Variants in SMCO2 observed in about 807,000 individuals in gnomAD.
SMCO2 encodes the protein single-pass membrane and coiled-coil domain-containing protein 2.
SMCO2 carries 25 observed loss-of-function variants against 29.5 expected under a neutral mutation model. The observed-to-expected ratio is 0.85, with a 90% CI of 0.62 to 1.18. The LOEUF is 1.18. Ranked by LOEUF, SMCO2 falls within the 50% of genes most tolerant of loss-of-function variation. The pLI is 0.00. For missense variants in SMCO2, 348 were observed against 344.5 expected (o/e 1.01, Z -0.08); for synonymous variants, 117 against 123.3 (o/e 0.95, Z 0.34).
At chr12:27,436,964 G>A in the SMCO2 span, among the ~76,000 whole-genome samples, 22 of 152,184 alleles carry the variant, frequency 1.4e-4, no homozygotes, top group East Asian at 3.9e-4. Context: ...ATATCACTTC[G>A]CCATGTTCAC....
At chr12:27,475,773 G>T in intron 4 of SMCO2, 42 bp downstream of exon 5, 1 of 1,400,614 alleles carries the variant, frequency 7.1e-7, no homozygotes, top group South Asian at 1.8e-5. Context: ...ATAGCAGAAA[G>T]TTTCATAGCT....
At chr12:27,490,350 G>A (rs1337006983) in intron 5 of SMCO2, among the ~76,000 whole-genome samples, 1 of 152,170 alleles carries the variant, frequency 6.6e-6, no homozygotes, top group Non-Finnish European at 1.5e-5. Context: ...AGTTTCCCAG[G>A]TTTAGTGGAG....
At chr12:27,438,649 A>G in the SMCO2 span, among the ~76,000 whole-genome samples, 1 of 152,188 alleles carries the variant, frequency 6.6e-6, no homozygotes. Flanking sequence ...ACAAACATTC[A>G]TCTATCTGTA....
At chr12:27,482,943 C>A (rs984431587) in intron 4 of SMCO2, among the ~76,000 whole-genome samples, 4 of 152,116 alleles carry the variant, frequency 2.6e-5, no homozygotes, top group African/African-American at 9.7e-5. Context: ...CCCAGGCTAG[C>A]CTTGGACTTC....
At chr12:27,492,832 G>A (rs932464455) in intron 5 of SMCO2, among the ~76,000 whole-genome samples, 2 of 152,096 alleles carry the variant, frequency 1.3e-5, no homozygotes, top group African/African-American at 4.8e-5. Flanking sequence ...CCATTATTGT[G>A]TATATACCCA....
the SMCO2 span, among the ~76,000 whole-genome samples, chr12:27,440,020 C>A: frequency 2.0e-5 from 3 of 152,026 alleles, no homozygotes; most frequent in African/African-American, 7.2e-5. Context: ...ACAGATTCAA[C>A]CCAAATAAAA....
At chr12:27,435,679 G>A in the SMCO2 span, among the ~76,000 whole-genome samples, 13 of 151,516 alleles carry the variant, frequency 8.6e-5, no homozygotes, top group Non-Finnish European at 1.9e-4. Context: ...TCAACCTCCT[G>A]GCCCCATTAT....
upstream of SMCO2, among the ~76,000 whole-genome samples, chr12:27,466,634 A>G (rs1197426527): frequency 6.6e-6 from 1 of 152,108 alleles, no homozygotes; most frequent in Non-Finnish European, 1.5e-5. Flanking sequence ...GCTGGGGTGG[A>G]AGAAGGACTT....
chr12:27,500,614 G>C (rs1452047893), intron 7 of SMCO2, among the ~76,000 whole-genome samples: 1 of 150,686 alleles, frequency 6.6e-6, no homozygotes. Context: ...GAGGAACAGT[G>C]TTTATTTACT....
intron 3 of SMCO2, chr12:27,473,183 GCAAATCACCATATGAC>G (rs1267640077): frequency 1.8e-4 from 54 of 306,720 alleles, no homozygotes; most frequent in Admixed American, 6.1e-4. Flanking sequence ...TCACCTTCGA[GCAAATCACCATATGAC>G]CAAATCACCA....
chr12:27,488,560 C>T lies in SMCO2; in HGVS notation c.450+13C>T. On this transcript the variant is annotated intron_variant, in intron 5 of 7. Coordinates refer to ENST00000298876, the Ensembl canonical transcript of SMCO2. ...GACAAGCACTGAGGTAAGCTAGAGA[C>T]TTGGGAAAGACTGAGAGGTTGGGGA... 1 of 1,522,266 alleles carries T rather than the reference C, an allele frequency of 6.6e-7. No homozygotes were observed. 94.3% of individuals were successfully genotyped at this position (1,522,266 alleles called of 1,614,324 possible).
chr12:27,440,728 T>C, the SMCO2 span, among the ~76,000 whole-genome samples: 56 of 145,892 alleles, frequency 3.8e-4, no homozygotes, highest in African/African-American at 1.4e-3. Flanking sequence ...TTAAAATAAC[T>C]TTTATATCTA....
chr12:27,498,998 G>A (rs1943045268), intron 7 of SMCO2, among the ~76,000 whole-genome samples: 2 of 150,604 alleles, frequency 1.3e-5, no homozygotes, highest in Non-Finnish European at 2.9e-5. Flanking sequence ...GTGGGATTGC[G>A]AAATGGTACA....
At chr12:27,459,751 C>G in the SMCO2 span, among the ~76,000 whole-genome samples, 1 of 152,186 alleles carries the variant, frequency 6.6e-6, no homozygotes, top group Non-Finnish European at 1.5e-5. Context: ...AATAGCTGCT[C>G]AAGCCATCAC....
chr12:27,427,615 C>T, the SMCO2 span, among the ~76,000 whole-genome samples: 3 of 152,060 alleles, frequency 2.0e-5, no homozygotes, highest in Non-Finnish European at 4.4e-5. Flanking sequence ...GGGGAAAAGA[C>T]GTCAGAAATA....
chr12:27,451,628 A>G, the SMCO2 span, among the ~76,000 whole-genome samples: 1 of 152,196 alleles, frequency 6.6e-6, no homozygotes, highest in Non-Finnish European at 1.5e-5. Flanking sequence ...GTGCCTCAGC[A>G]TTGCACTTGG....
At chr12:27,455,360 A>C in the SMCO2 span, among the ~76,000 whole-genome samples, 1 of 152,234 alleles carries the variant, frequency 6.6e-6, no homozygotes, top group Non-Finnish European at 1.5e-5. Context: ...AGCTATGAAT[A>C]TCTTTATAGA....
the SMCO2 span, among the ~76,000 whole-genome samples, chr12:27,441,481 G>C: frequency 6.6e-6 from 1 of 152,116 alleles, no homozygotes; most frequent in African/African-American, 2.4e-5. Context: ...CTATAAAAAA[G>C]ATAAGGATGG....
intron 3 of SMCO2, among the ~76,000 whole-genome samples, chr12:27,473,506 A>G (rs1949558891): frequency 6.6e-6 from 1 of 152,208 alleles, no homozygotes; most frequent in Non-Finnish European, 1.5e-5. Flanking sequence ...CTCTTTTTCC[A>G]AATAAGATAA....
Sources: allele counts gnomAD v4.1 joint callset (sites outside exome capture counted in the v4.1 genomes callset), GRCh38; gene constraint gnomAD v4.1.1; transcripts MANE v1.5; gene names NCBI Gene and HGNC (gene_info 2026-07-23, HGNC 2026-07-21).